The following KSR1 variants were observed in gnomAD, a reference collection of about 807,000 sequenced individuals.
KSR1 encodes kinase suppressor of ras 1, also known as kinase suppressor of ras.
KSR1 carries 35 observed loss-of-function variants against 92.9 expected under a neutral mutation model. The ratio of observed to expected loss-of-function variants is 0.38; its 90% CI spans 0.29 to 0.50. The LOEUF (loss-of-function observed/expected upper bound fraction) is 0.50. Ranked by LOEUF, KSR1 falls within the 20% of genes least tolerant of loss-of-function variation. The probability of loss-of-function intolerance (pLI) is 0.94; values close to 1 mark genes in which losing one functional copy is unlikely to be tolerated. For synonymous variants in KSR1, 467 were observed against 472.6 expected, an observed-to-expected ratio of 0.99 and a Z score of 0.15; for missense variants, 972 against 1,158.5, an observed-to-expected ratio of 0.84 and a Z score of 2.34.
chr17:27,581,514 C>T (rs185164728), intron 3 of KSR1, among the ~76,000 whole-genome samples: 1 of 152,152 alleles, frequency 6.6e-6, no homozygotes, highest in East Asian at 1.9e-4. Context: ...TTATGCTGTT[C>T]CCTCTGCCTG....
intron 1 of KSR1, among the ~76,000 whole-genome samples, chr17:27,460,641 C>T (rs1266119397): frequency 1.3e-5 from 2 of 152,130 alleles, no homozygotes; most frequent in Non-Finnish European, 2.9e-5. Context: ...GAGGGGAGGC[C>T]CTCCTGCCAT....
At position 27,604,759 on chromosome 17, in the gene KSR1, G is replaced by GC. The variant is rs374217878; in HGVS notation, c.1614+38dup. On this transcript the variant is annotated intron_variant, in intron 13 of 20. Transcript: ENST00000644974. Reference sequence around the variant, plus strand: ...GGTGACACACACGTGTCCACAGATGGCCCCCCCTCTTTTTTCCCTTCCCCA... The same window carrying GC: ...GGTGACACACACGTGTCCACAGATGGCCCCCCCCTCTTTTTTCCCTTCCCCA... 9.9e-5 allele frequency: 159 copies of GC among 1,610,916 alleles called. No homozygotes were observed. In the African/African-American group the frequency reaches 1.3e-3, roughly 13 times the overall value.
Position 27,478,954 on chromosome 17 carries a change from A to T in KSR1, c.231+22080A>T, listed in dbSNP as rs538327854. ...TCCCTTCATCCATGCTCCTCCCTCC[A>T]TTCATGCTCCTCCCTCCTTCCATGC... On this transcript the variant is annotated intron_variant, in intron 1 of 20. Transcript: ENST00000644974. 1.5e-3 allele frequency among the ~76,000 whole-genome samples: 211 copies of T among 142,200 alleles called. 2 individuals carry two copies. The highest frequency in any genetic ancestry group is 5.1e-3 in the African/African-American group (193 of 37,940). The allele number at this position is 142,200 out of a possible 152,430, so 93.3% of individuals were successfully genotyped here.
intron 10 of KSR1, among the ~76,000 whole-genome samples, chr17:27,599,875 T>C (rs1329798107): frequency 6.6e-6 from 1 of 152,106 alleles, no homozygotes; most frequent in Admixed American, 6.5e-5. Context: ...ATTTTTTCTT[T>C]TACTTTTTAA....
At position 27,592,631 on chromosome 17, in the gene KSR1, G is replaced by T. The variant is rs1242853529; in HGVS notation, c.1299+5G>T. On this transcript the variant is annotated splice_donor_5th_base_variant and intron_variant, in intron 9 of 20. Transcript: ENST00000644974. Reference sequence around the variant, plus strand: ...CCCAAAGCACTGACAAAGAAGGTACGCTGGGTAATGCTGGGGAGGACGCCC... The same window carrying T: ...CCCAAAGCACTGACAAAGAAGGTACTCTGGGTAATGCTGGGGAGGACGCCC... 1.2e-6 allele frequency: 2 copies of T among 1,610,232 alleles called. No homozygotes were observed. The highest frequency in any genetic ancestry group is 1.1e-5 in the South Asian group (1 of 90,786).
intron 1 of KSR1, among the ~76,000 whole-genome samples, chr17:27,516,815 CA>C (rs1202357531): frequency 2.6e-5 from 4 of 152,058 alleles, no homozygotes; most frequent in African/African-American, 9.7e-5. Context: ...AACATGTGCC[CA>C]AGGTGGTTGG....
intron 2 of KSR1, among the ~76,000 whole-genome samples, chr17:27,554,916 A>G (rs918834983): frequency 6.6e-6 from 1 of 152,208 alleles, no homozygotes; most frequent in East Asian, 1.9e-4. Flanking sequence ...GAGTTCTCGT[A>G]TGTACCCCTC....
chr17:27,560,365 C>A, intron 2 of KSR1: 1 of 516,706 alleles, frequency 1.9e-6, no homozygotes, highest in Admixed American at 1.9e-5. Flanking sequence ...GTGGGTGCTG[C>A]AGAGTCTGGG....
chr17:27,513,071 G>A (rs1257805861), intron 1 of KSR1, among the ~76,000 whole-genome samples: 1 of 152,092 alleles, frequency 6.6e-6, no homozygotes, highest in Non-Finnish European at 1.5e-5. Flanking sequence ...AAATTTAGTT[G>A]TGCCTGTTTT....
chr17:27,586,689 T>C (rs2072980255), intron 5 of KSR1, among the ~76,000 whole-genome samples: 1 of 152,168 alleles, frequency 6.6e-6, no homozygotes, highest in African/African-American at 2.4e-5. Flanking sequence ...TTATTAGGCC[T>C]TCAGGGCCAG....
intron 1 of KSR1, among the ~76,000 whole-genome samples, chr17:27,513,946 T>C (rs1426909980): frequency 6.6e-6 from 1 of 152,220 alleles, no homozygotes; most frequent in Non-Finnish European, 1.5e-5. Context: ...TCCAGCATAT[T>C]GAGTGGAGAA....
chr17:27,489,893 C>G (rs1228856889), intron 1 of KSR1, among the ~76,000 whole-genome samples: 1 of 152,244 alleles, frequency 6.6e-6, no homozygotes, highest in Non-Finnish European at 1.5e-5. Flanking sequence ...TCAAAAATGA[C>G]AGTGTTTCCT....
At position 27,560,431 on chromosome 17, in the gene KSR1, C is replaced by T. The variant is rs561327371; in HGVS notation, c.372+9723C>T. 72 of 519,076 alleles carry T rather than the reference C, an allele frequency of 1.4e-4. 1 individual carries two copies. The highest frequency in any genetic ancestry group is 9.8e-4 in the South Asian group (70 of 71,594). 32.2% of individuals were successfully genotyped at this position (519,076 alleles called of 1,614,324 possible). ...AATAAGCTCTTACTGCTGGTGGTTC[C>T]TGAACTGAAGATGCAGGCGGATCTG... On this transcript the variant is annotated intron_variant, in intron 2 of 20. Transcript: ENST00000644974.
intron 17 of KSR1, among the ~76,000 whole-genome samples, chr17:27,610,647 GT>G (rs1386149954): frequency 6.6e-6 from 1 of 152,074 alleles, no homozygotes; most frequent in Non-Finnish European, 1.5e-5. Context: ...AGAAGTTAAA[GT>G]TTTCTAATAG....
At position 27,457,638 on chromosome 17, in the gene KSR1, C is replaced by T. The variant is rs563715429; in HGVS notation, c.231+764C>T. ...AGAAATAAGATATGCGGGCCTTCCT[C>T]TCTCAAATTATAGCTGGGGAAGTAT... On this transcript the variant is annotated intron_variant, in intron 1 of 20. Coordinates refer to ENST00000644974, the MANE Select transcript of KSR1 (RefSeq NM_001394583.1). Among the ~76,000 whole-genome samples, 76 of 152,204 alleles carry T rather than the reference C, an allele frequency of 5.0e-4. 1 individual carries two copies. Among genetic ancestry groups the T allele is most frequent in the Non-Finnish European group, 9.6e-4 (65 of 68,016 alleles).
chr17:27,541,761 G>GT (rs2070975693), intron 1 of KSR1, among the ~76,000 whole-genome samples: 1 of 152,226 alleles, frequency 6.6e-6, no homozygotes, highest in Non-Finnish European at 1.5e-5. Flanking sequence ...TTTCTTCATT[G>GT]TAAGATGGGA....
intron 1 of KSR1, among the ~76,000 whole-genome samples, chr17:27,480,931 T>C (rs1011217669): frequency 2.0e-5 from 3 of 152,336 alleles, no homozygotes; most frequent in Middle Eastern, 3.4e-3. Flanking sequence ...GCCAGGATAA[T>C]GCAGGGTGTG....
At chr17:27,584,606 A>G (rs2151173981) in intron 4 of KSR1, among the ~76,000 whole-genome samples, 1 of 152,316 alleles carries the variant, frequency 6.6e-6, no homozygotes, top group Admixed American at 6.5e-5. Context: ...TCTCATTCCC[A>G]TGCTAGAAGG....
chr17:27,553,683 C>G (rs2071486027), intron 2 of KSR1, among the ~76,000 whole-genome samples: 2 of 152,224 alleles, frequency 1.3e-5, no homozygotes, highest in Admixed American at 6.5e-5. Flanking sequence ...CTCCAGAAAC[C>G]CCTTCTCAAG....
Sources: allele counts gnomAD v4.1 joint callset (sites outside exome capture counted in the v4.1 genomes callset), GRCh38; gene constraint gnomAD v4.1.1; transcripts MANE v1.5; gene names NCBI Gene and HGNC (gene_info 2026-07-23, HGNC 2026-07-21).